SPATA31H1: variants seen among roughly 807,000 people sequenced by gnomAD.
The protein encoded by SPATA31H1 is spermatogenesis-associated protein 31H1.
chr2:27,581,325 C>T, the SPATA31H1 span: 184 of 1,613,976 alleles, frequency 1.1e-4, 2 homozygotes, highest in African/African-American at 2.2e-3. Context: ...ACATCACAGT[C>T]CCTCTCAGAG....
the SPATA31H1 span, chr2:27,575,511 G>A: frequency 1.8e-5 from 7 of 398,480 alleles, no homozygotes; most frequent in Non-Finnish European, 2.7e-5. This position sits in a 1 kb window ranked among gnomAD's most constrained non-coding sequence, Gnocchi z 4.1. Flanking sequence ...ACAATCTTTA[G>A]ATTTCAACCC....
At chr2:27,576,534 G>A in the SPATA31H1 span, 1 of 1,462,554 alleles carries the variant, frequency 6.8e-7, no homozygotes, top group Non-Finnish European at 9.2e-7. Flanking sequence ...TAAATCTGTG[G>A]CCTTTGCATC....
the SPATA31H1 span, among the ~76,000 whole-genome samples, chr2:27,554,344 A>G: frequency 0.018 from 2,773 of 152,014 alleles, 129 homozygotes; most frequent in African/African-American, 0.064. Context: ...ACTTCTTGGT[A>G]CCAATTTCTA....
At chr2:27,577,620 A>T in the SPATA31H1 span, 1 of 1,614,152 alleles carries the variant, frequency 6.2e-7, no homozygotes, top group Non-Finnish European at 8.5e-7. The surrounding 1 kb of genome is among the most constrained non-coding windows in gnomAD (Gnocchi z 4.5). Context: ...TGCTTCAGGG[A>T]TGACACCTGG....
the SPATA31H1 span, among the ~76,000 whole-genome samples, chr2:27,548,032 A>T: frequency 8.4e-6 from 1 of 119,442 alleles, no homozygotes; most frequent in South Asian, 2.8e-4. Flanking sequence ...CCCAGGCTGG[A>T]GTGTAGTGGC....
At chr2:27,578,524 C>T in the SPATA31H1 span, 1 of 1,614,040 alleles carries the variant, frequency 6.2e-7, no homozygotes. Context: ...GAATTAACTC[C>T]AAGTCCATGT....
the SPATA31H1 span, chr2:27,568,223 G>A: frequency 2.8e-4 from 113 of 398,970 alleles, no homozygotes; most frequent in African/African-American, 1.9e-3. Context: ...CAGTGAAAAT[G>A]AACACATTGT....
the SPATA31H1 span, among the ~76,000 whole-genome samples, chr2:27,562,581 T>TTA: frequency 3.0e-3 from 443 of 147,946 alleles, no homozygotes; most frequent in African/African-American, 9.7e-3. Context: ...ATATATATAA[T>TTA]TATATATATA....
At chr2:27,539,894 T>A in the SPATA31H1 span, among the ~76,000 whole-genome samples, 3 of 92,436 alleles carry the variant, frequency 3.2e-5, no homozygotes, top group African/African-American at 1.3e-4. Flanking sequence ...CCCTCCCGGA[T>A]GGGGCGGCTG....
At chr2:27,561,898 G>A in the SPATA31H1 span, among the ~76,000 whole-genome samples, 44 of 152,186 alleles carry the variant, frequency 2.9e-4, no homozygotes, top group South Asian at 6.0e-3. Context: ...ATGGGGTTTC[G>A]TCACATAGCC....
At chr2:27,559,371 T>C in the SPATA31H1 span, among the ~76,000 whole-genome samples, 22 of 152,250 alleles carry the variant, frequency 1.4e-4, no homozygotes, top group African/African-American at 4.6e-4. Context: ...CTCATTTTTT[T>C]GTTCATCTAT....
the SPATA31H1 span, among the ~76,000 whole-genome samples, chr2:27,552,228 A>C: frequency 6.6e-6 from 1 of 151,932 alleles, no homozygotes; most frequent in East Asian, 1.9e-4. Context: ...CAGCTCTTAC[A>C]TTTAGGTCTT....
the SPATA31H1 span, among the ~76,000 whole-genome samples, chr2:27,553,798 T>C: frequency 6.6e-6 from 1 of 151,872 alleles, no homozygotes; most frequent in South Asian, 2.1e-4. Flanking sequence ...GGCATGTGCC[T>C]GTAATCCCAG....
the SPATA31H1 span, chr2:27,570,813 G>C: frequency 2.0e-5 from 8 of 398,860 alleles, no homozygotes; most frequent in African/African-American, 1.4e-4. Context: ...ATATGTAGCA[G>C]GCAACCAAGA....
At chr2:27,537,532 C>T in the SPATA31H1 span, 13 of 717,096 alleles carry the variant, frequency 1.8e-5, no homozygotes, top group South Asian at 1.2e-4. Flanking sequence ...TTCCAGGAAT[C>T]GGAGCTGGAA....
the SPATA31H1 span, chr2:27,568,430 A>T: frequency 5.0e-6 from 2 of 398,892 alleles, no homozygotes; most frequent in African/African-American, 4.1e-5. Flanking sequence ...AATCACTGGA[A>T]ATGATCTCAG....
the SPATA31H1 span, among the ~76,000 whole-genome samples, chr2:27,563,851 G>T: frequency 6.6e-6 from 1 of 151,870 alleles, no homozygotes; most frequent in Non-Finnish European, 1.5e-5. Flanking sequence ...ATGAGCCACC[G>T]TGCCTGGCTG....
chr2:27,544,365 C>T, the SPATA31H1 span, among the ~76,000 whole-genome samples: 1 of 151,914 alleles, frequency 6.6e-6, no homozygotes, highest in Non-Finnish European at 1.5e-5. Context: ...AGTCTCTGCC[C>T]TCCTCTCTGC....
chr2:27,581,226 G>A, the SPATA31H1 span: 19 of 1,614,034 alleles, frequency 1.2e-5, no homozygotes, highest in African/African-American at 1.6e-4. Context: ...AACCCCACGC[G>A]GTCCTTCTGA....
Sources: allele counts gnomAD v4.1 joint callset (sites outside exome capture counted in the v4.1 genomes callset), GRCh38; gene constraint gnomAD v4.1.1; non-coding constraint Gnocchi (gnomAD v3.1); transcripts MANE v1.5; gene names NCBI Gene and HGNC (gene_info 2026-07-23, HGNC 2026-07-21).